The following GHITM variants were observed in gnomAD, a reference collection of about 807,000 sequenced individuals.
GHITM encodes growth hormone-inducible transmembrane protein.
Under a neutral mutation model 38.7 loss-of-function variants are expected in GHITM, and 24 were observed. The observed-to-expected ratio is 0.62, with a 90% CI of 0.45 to 0.87. The LOEUF is 0.87. Ranked by LOEUF, GHITM falls within the 40% of genes least tolerant of loss-of-function variation. The pLI is 0.00. For synonymous variants in GHITM, 154 were observed against 147.8 expected, an observed-to-expected ratio of 1.04 and a Z score of -0.30; for missense variants, 420 against 429.8, an observed-to-expected ratio of 0.98 and a Z score of 0.20.
chr10:84,145,159 C>A, intron 5 of GHITM, 143 bp downstream of exon 5: 1 of 565,972 alleles, frequency 1.8e-6, no homozygotes, highest in Non-Finnish European at 2.8e-6. Flanking sequence ...ACAGGTTGAG[C>A]ATCCCTAATT....
chr10:84,144,913 C>T lies in GHITM; in HGVS notation c.380C>T (p.Thr127Ile), dbSNP rs750083221. The change falls in exon 5 of 9, where the codon ACC becomes ATC. Residue 127 changes from threonine to isoleucine, a missense_variant. Transcript: ENST00000372134. ...PQYVKDRIHS[T>I]YMYLAGSIGL... ...TATGTCAAGGATAGAATTCATTCCA[C>T]CTATATGTACTTAGCAGGGAGTATT... The T allele has an allele frequency of 1.9e-5, 31 of 1,605,688 alleles. No homozygotes were observed. In the East Asian group the frequency reaches 6.5e-4, roughly 34 times the overall value.
At chr10:84,140,807 C>G (rs541056358) in intron 1 of GHITM, among the ~76,000 whole-genome samples, 1 of 152,110 alleles carries the variant, frequency 6.6e-6, no homozygotes, top group South Asian at 2.1e-4. Flanking sequence ...GTAAGGGAAA[C>G]CTGGTTGGTA....
intron 8 of GHITM, among the ~76,000 whole-genome samples, chr10:84,152,000 G>A (rs561326646): frequency 1.3e-4 from 20 of 151,944 alleles, no homozygotes; most frequent in Non-Finnish European, 2.8e-4. Context: ...AGTTTTCTTT[G>A]CAAGTTGATA....
intron 5 of GHITM, among the ~76,000 whole-genome samples, chr10:84,148,161 C>T (rs887123653): frequency 1.3e-5 from 2 of 152,166 alleles, no homozygotes; most frequent in Non-Finnish European, 2.9e-5. Context: ...TTAAGACATG[C>T]ATTTGAAGCT....
rs151060458 is a variant in GHITM at position 84,146,832 on chromosome 10, A to G, written c.483+1816A>G. On this transcript the variant is annotated intron_variant, in intron 5 of 8. Coordinates refer to ENST00000372134, the MANE Select transcript of GHITM (RefSeq NM_014394.3). ...TAGGAAAGCCAAAGACAAGTGTTAC[A>G]GAGATGAAGATGTAACCTTTTGGGT... Among the ~76,000 whole-genome samples, 249 of 152,332 alleles carry G rather than the reference A, an allele frequency of 1.6e-3. 1 individual carries two copies. The highest frequency in any genetic ancestry group is 5.7e-3 in the African/African-American group (235 of 41,572).
At chr10:84,150,555 C>G (rs2306321) in intron 7 of GHITM, among the ~76,000 whole-genome samples, 154 bp from the exon 8 acceptor site, 13,199 of 152,144 alleles carry the variant, frequency 0.087, 771 homozygotes, top group East Asian at 0.22. Context: ...GGATTTTGAA[C>G]TAATGCAAAT....
chr10:84,144,515 G>A (rs866945723), intron 4 of GHITM, among the ~76,000 whole-genome samples: 24 of 152,068 alleles, frequency 1.6e-4, no homozygotes, highest in Non-Finnish European at 2.4e-4. Flanking sequence ...CACCATGCCC[G>A]GCTATTTTTT....
At position 84,150,135 on chromosome 10, in the gene GHITM, A is replaced by T; in HGVS notation, c.673A>T (p.Ile225Phe). ...CAGAGCTGCATGGTACACAGCTGGC[A>T]TTGTGGGAGGCCTCTCCACTGTGGC... ...LIRAAWYTAG[I>F]VGGLSTVAMC... The change falls in exon 7 of 9, where the codon ATT (isoleucine) becomes TTT (phenylalanine). Residue 225 changes from isoleucine to phenylalanine, a missense_variant. By Grantham distance (21) the Ile-to-Phe change is conservative. Transcript: ENST00000372134. 1.2e-6 allele frequency: 2 copies of T among 1,614,088 alleles called. No individual in the cohort carries two copies. Among genetic ancestry groups the T allele is most frequent in the Non-Finnish European group, 1.7e-6 (2 of 1,179,964 alleles).
chr10:84,148,621 T>C (rs1361388703), intron 5 of GHITM, 109 bp from the exon 6 acceptor site: 3 of 704,880 alleles, frequency 4.3e-6, no homozygotes, highest in Non-Finnish European at 7.5e-6. Context: ...TTATCTTTAA[T>C]ATTTTTACAA....
intron 1 of GHITM, among the ~76,000 whole-genome samples, chr10:84,140,941 A>G (rs1231582885): frequency 6.6e-6 from 1 of 152,182 alleles, no homozygotes; most frequent in African/African-American, 2.4e-5. Context: ...ATTTGGTATG[A>G]TTAGCTGAAA....
rs369560843 is a variant in GHITM, at chr10:84,150,837, G to A, written c.910G>A (p.Val304Ile). 6.2e-7 allele frequency: 1 copy of A among 1,611,640 alleles called. No individual in the cohort carries two copies. The highest frequency in any genetic ancestry group is 8.5e-7 in the Non-Finnish European group (1 of 1,178,280). Residue 304 changes from valine to isoleucine, a missense_variant, in exon 8 of 9, where the codon GTA (valine) becomes ATA (isoleucine). Physicochemically the swap from Val to Ile is conservative, Grantham distance 29 (BLOSUM62 3). Coordinates refer to ENST00000372134, the MANE Select transcript of GHITM (RefSeq NM_014394.3). ...DTQKVIKRAEVSPMYGVQKYD... is the reference protein window; with the variant it reads ...DTQKVIKRAEISPMYGVQKYD... ...CCAGAAAGTAATCAAGCGTGCAGAA[G>A]TATCACCAATGTATGGAGTTCAAAA...
intron 4 of GHITM, among the ~76,000 whole-genome samples, chr10:84,144,429 C>T (rs141642789): frequency 0.012 from 1,774 of 152,252 alleles, 32 homozygotes; most frequent in African/African-American, 0.041. Flanking sequence ...GATCTTGGCT[C>T]ACTGCAACCT....
chr10:84,151,684 TTA>T (rs1160263514), intron 8 of GHITM, among the ~76,000 whole-genome samples: 9 of 151,778 alleles, frequency 5.9e-5, no homozygotes, highest in Non-Finnish European at 1.3e-4. Flanking sequence ...TTAATTGTTA[TTA>T]TGTTTTTTTC....
intron 8 of GHITM, 35 bp downstream of exon 8, chr10:84,150,915 G>A (rs1173204781): frequency 1.4e-6 from 2 of 1,407,724 alleles, no homozygotes; most frequent in Non-Finnish European, 2.0e-6. Flanking sequence ...CTGTTACTCT[G>A]TCACATAAGG....
At chr10:84,152,008 A>G (rs1055185536) in intron 8 of GHITM, among the ~76,000 whole-genome samples, 5 of 152,118 alleles carry the variant, frequency 3.3e-5, no homozygotes, top group African/African-American at 1.2e-4. Flanking sequence ...TTGCAAGTTG[A>G]TATATGCAGA....
intron 6 of GHITM, among the ~76,000 whole-genome samples, chr10:84,149,245 A>G (rs1841586932): frequency 6.6e-6 from 1 of 152,218 alleles, no homozygotes; most frequent in Non-Finnish European, 1.5e-5. Flanking sequence ...GAGTCCTAAT[A>G]GAAGTGTTCT....
At chr10:84,148,658 A>C (rs542162608) in intron 5 of GHITM, 72 bp from the exon 6 acceptor site, 9 of 860,430 alleles carry the variant, frequency 1.0e-5, no homozygotes, top group Admixed American at 5.8e-5. Context: ...AACTAATTGT[A>C]CTTCAAACCT....
In GHITM at chr10:84,144,872, C is replaced by G. The variant is rs988436155; in HGVS notation, c.342-3C>G. 5.8e-6 allele frequency: 9 copies of G among 1,560,812 alleles called. No homozygotes were observed. Among genetic ancestry groups the G allele is most frequent in the Non-Finnish European group, 7.9e-6 (9 of 1,146,264 alleles). On this transcript the variant is annotated splice_polypyrimidine_tract_variant and splice_region_variant and intron_variant, in intron 4 of 8. Coordinates refer to ENST00000372134, the MANE Select transcript of GHITM (RefSeq NM_014394.3). Reference sequence around the variant, plus strand: ...TAGATTAATCATGTCATGTTTCTTACAGAATTTGGCCTCAGTATGTCAAGG... The same window carrying G: ...TAGATTAATCATGTCATGTTTCTTAGAGAATTTGGCCTCAGTATGTCAAGG...
At chr10:84,152,182 A>G (rs984029702) in intron 8 of GHITM, 82 bp from the exon 9 acceptor site, 4 of 659,446 alleles carry the variant, frequency 6.1e-6, no homozygotes, top group Non-Finnish European at 1.0e-5. Context: ...GACAAATAGT[A>G]TTTTTCTTCT....
Sources: gnomAD v4.1 joint callset for allele counts (sites outside exome capture counted in the v4.1 genomes callset) on GRCh38, gnomAD v4.1.1 for gene constraint, MANE v1.5 for transcripts, NCBI Gene and HGNC (gene_info 2026-07-23, HGNC 2026-07-21) for gene names.